Variants in ADGRL3 observed in about 807,000 individuals in gnomAD.
ADGRL3 encodes the protein adhesion G protein-coupled receptor L3.
A neutral mutation model predicts 153.5 loss-of-function variants in ADGRL3; 62 were observed. That is an observed-to-expected ratio of 0.40 (90% CI 0.33 to 0.50). ADGRL3 has a LOEUF of 0.50. Among genes scored for constraint, ADGRL3 ranks in the 20% least tolerant of loss-of-function variants. The pLI is 0.47. For missense variants in ADGRL3, 1,641 were observed against 1,859.4 expected, an observed-to-expected ratio of 0.88 and a Z score of 2.16; for synonymous variants, 710 against 672.5, an observed-to-expected ratio of 1.06 and a Z score of -0.86.
chr4:62,025,037 C>T (rs1015303005), intron 21 of ADGRL3, among the ~76,000 whole-genome samples: 9 of 151,722 alleles, frequency 5.9e-5, no homozygotes, highest in Admixed American at 5.3e-4. Context: ...ATAGTCCCAT[C>T]AACATAAGGT....
chr4:61,405,414 C>G (rs1014360822), intron 2 of ADGRL3, among the ~76,000 whole-genome samples: 1 of 151,782 alleles, frequency 6.6e-6, no homozygotes, highest in African/African-American at 2.4e-5. Flanking sequence ...TATGAGCTAC[C>G]TAGTTTACAT....
chr4:61,228,655 C>T (rs914602882), intron 1 of ADGRL3, among the ~76,000 whole-genome samples: 1 of 152,110 alleles, frequency 6.6e-6, no homozygotes, highest in Admixed American at 6.6e-5. Flanking sequence ...TGTTTAACAA[C>T]CCATTATGTG....
At chr4:61,370,015 A>G (rs1364658722) in intron 1 of ADGRL3, among the ~76,000 whole-genome samples, 8 of 151,882 alleles carry the variant, frequency 5.3e-5, no homozygotes, top group Admixed American at 2.0e-4. Flanking sequence ...GTTTATTTGC[A>G]TAGAGGTGTT....
At chr4:61,391,855 CTTTTTTTTTTT>C (rs869176171) in intron 2 of ADGRL3, among the ~76,000 whole-genome samples, 3 of 93,656 alleles carry the variant, frequency 3.2e-5, no homozygotes, top group African/African-American at 1.2e-4. Flanking sequence ...AAAAATGCTA[CTTTTTTTTTTT>C]TTTTTTTTTT....
At chr4:61,486,583 A>C (rs940920410) in intron 2 of ADGRL3, among the ~76,000 whole-genome samples, 1 of 152,212 alleles carries the variant, frequency 6.6e-6, no homozygotes, top group African/African-American at 2.4e-5. Flanking sequence ...AATTAGTATG[A>C]GAAAGTCACA....
intron 9 of ADGRL3, among the ~76,000 whole-genome samples, chr4:61,846,331 T>A (rs898459530): frequency 1.3e-4 from 19 of 151,470 alleles, no homozygotes; most frequent in Middle Eastern, 3.4e-3. Context: ...AAAAAAAAAA[T>A]TCATAAAGTA....
chr4:61,946,432 AT>A (rs1160425855), intron 15 of ADGRL3, among the ~76,000 whole-genome samples: 3 of 151,950 alleles, frequency 2.0e-5, no homozygotes, highest in Admixed American at 1.3e-4. Context: ...GTTGGTAAAA[AT>A]GTTTTGTATA....
chr4:61,544,203 A>T (rs75443662), intron 4 of ADGRL3, among the ~76,000 whole-genome samples: 2,095 of 152,282 alleles, frequency 0.014, 21 homozygotes, highest in Non-Finnish European at 0.022. Context: ...CCAGTGAGTC[A>T]GCTCCCCTTT....
chr4:61,733,402 GC>G lies in ADGRL3; in HGVS notation c.1248del (p.Ser416ArgfsTer38). ...GACTACATTTACAACACTGACCAAAGCAAGGATAGTTTGGTGGATGTACCCT... is the reference window on the plus strand; with the variant it reads ...GACTACATTTACAACACTGACCAAAGAAGGATAGTTTGGTGGATGTACCCT... ...KIDYIYNTDQ[S>X]KDSLVDVPFP... On this transcript the variant is annotated frameshift_variant, in exon 8 of 27. Coordinates refer to ENST00000683033, the MANE Select transcript of ADGRL3 (RefSeq NM_001387552.1). LOFTEE classifies it high-confidence loss of function. The G allele has an allele frequency of 6.2e-7, 1 of 1,613,738 alleles. No homozygotes were observed. Among genetic ancestry groups the G allele is most frequent in the Non-Finnish European group, 8.5e-7 (1 of 1,179,818 alleles).
At chr4:61,432,840 A>G (rs2097391432) in intron 2 of ADGRL3, among the ~76,000 whole-genome samples, 1 of 151,104 alleles carries the variant, frequency 6.6e-6, no homozygotes, top group Non-Finnish European at 1.5e-5. Flanking sequence ...TTTAGTACAG[A>G]TGGGGTTTCT....
At chr4:61,967,345 A>G (rs2150581594) in intron 17 of ADGRL3, among the ~76,000 whole-genome samples, 1 of 152,310 alleles carries the variant, frequency 6.6e-6, no homozygotes, top group East Asian at 1.9e-4. Flanking sequence ...TGGCATGTTT[A>G]TATTTGCCTT....
intron 6 of ADGRL3, among the ~76,000 whole-genome samples, chr4:61,721,268 C>A (rs2096239737): frequency 6.6e-6 from 1 of 152,138 alleles, no homozygotes; most frequent in South Asian, 2.1e-4. Context: ...GCAAGGAAGC[C>A]AGTCTGAGTC....
chr4:61,731,425 A>G (rs1461343538), intron 7 of ADGRL3, among the ~76,000 whole-genome samples: 2 of 152,118 alleles, frequency 1.3e-5, no homozygotes, highest in Admixed American at 1.3e-4. Context: ...TATCCAAATT[A>G]CTGTGATTTT....
intron 2 of ADGRL3, among the ~76,000 whole-genome samples, chr4:61,458,310 T>C (rs2097775178): frequency 6.6e-6 from 1 of 151,444 alleles, no homozygotes; most frequent in Non-Finnish European, 1.5e-5. Flanking sequence ...TTAATATTTT[T>C]AAATGTCAGC....
At chr4:61,469,979 T>C (rs2097925893) in intron 2 of ADGRL3, among the ~76,000 whole-genome samples, 1 of 151,998 alleles carries the variant, frequency 6.6e-6, no homozygotes, top group Admixed American at 6.6e-5. Context: ...TTATTACTTA[T>C]GCTTTCTATC....
At chr4:61,592,291 T>C (rs1230453775) in intron 5 of ADGRL3, among the ~76,000 whole-genome samples, 1 of 152,144 alleles carries the variant, frequency 6.6e-6, no homozygotes, top group Non-Finnish European at 1.5e-5. Context: ...GTAAGTGTTC[T>C]GCAATAACTG....
At chr4:61,909,063 A>C (rs2098709962) in intron 11 of ADGRL3, among the ~76,000 whole-genome samples, 1 of 152,204 alleles carries the variant, frequency 6.6e-6, no homozygotes, top group African/African-American at 2.4e-5. Context: ...ACAGTTAGTA[A>C]GAAGATGAAA....
intron 1 of ADGRL3, among the ~76,000 whole-genome samples, chr4:61,358,869 T>C (rs1160711543): frequency 6.6e-6 from 1 of 152,138 alleles, no homozygotes; most frequent in Non-Finnish European, 1.5e-5. Context: ...TTTCCAAATT[T>C]TTACCTCTAG....
intron 25 of ADGRL3, among the ~76,000 whole-genome samples, chr4:62,051,876 T>C (rs183309137): frequency 1.5e-3 from 225 of 151,832 alleles, no homozygotes; most frequent in African/African-American, 5.2e-3. Context: ...ATTTGTTTCA[T>C]GTAAGTTGTT....
Sources: allele counts gnomAD v4.1 joint callset (sites outside exome capture counted in the v4.1 genomes callset), GRCh38; gene constraint gnomAD v4.1.1; transcripts MANE v1.5; gene names NCBI Gene and HGNC (gene_info 2026-07-23, HGNC 2026-07-21).